ERBB4: variants seen among roughly 807,000 people sequenced by gnomAD.
The protein encoded by ERBB4 is receptor tyrosine-protein kinase erbB-4.
ERBB4 carries 42 observed loss-of-function variants against 158.0 expected under a neutral mutation model. The ratio of observed to expected loss-of-function variants is 0.27; its 90% CI spans 0.21 to 0.34. The LOEUF (loss-of-function observed/expected upper bound fraction) is 0.34. ERBB4 is among the 10% of genes least tolerant of loss of function. The probability of loss-of-function intolerance (pLI) is 1.00; values close to 1 mark genes in which losing one functional copy is unlikely to be tolerated. For synonymous variants in ERBB4, 583 were observed against 558.7 expected, an observed-to-expected ratio of 1.04 and a Z score of -0.61; for missense variants, 1,333 against 1,624.1, an observed-to-expected ratio of 0.82 and a Z score of 3.08.
chr2:212,405,079 T>C (rs549398937), intron 1 of ERBB4, among the ~76,000 whole-genome samples: 6 of 152,198 alleles, frequency 3.9e-5, no homozygotes, highest in Middle Eastern at 6.8e-3. Context: ...TGATTCCATG[T>C]CTTTGCAAAG....
At chr2:211,708,555 C>A (rs762090552) in intron 9 of ERBB4, among the ~76,000 whole-genome samples, 2 of 151,446 alleles carry the variant, frequency 1.3e-5, no homozygotes, top group Non-Finnish European at 2.9e-5. Flanking sequence ...CTTTCCACTG[C>A]CTTCTTCTCC....
At chr2:211,572,215 C>T (rs2067749161) in intron 19 of ERBB4, among the ~76,000 whole-genome samples, 1 of 152,134 alleles carries the variant, frequency 6.6e-6, no homozygotes, top group African/African-American at 2.4e-5. Context: ...ATATCAGTGG[C>T]ATTTTTTGAT....
chr2:212,299,374 A>T (rs1449795702), intron 1 of ERBB4, among the ~76,000 whole-genome samples: 2 of 151,750 alleles, frequency 1.3e-5, no homozygotes, highest in Non-Finnish European at 3.0e-5. Context: ...CAATTTTAAG[A>T]AACAATTTAT....
At chr2:212,403,815 T>G (rs1382325868) in intron 1 of ERBB4, among the ~76,000 whole-genome samples, 2 of 152,044 alleles carry the variant, frequency 1.3e-5, no homozygotes, top group Non-Finnish European at 2.9e-5. Flanking sequence ...AATAATGTAT[T>G]ATGCACTTAA....
chr2:211,453,126 T>C (rs1452899639), intron 20 of ERBB4, among the ~76,000 whole-genome samples: 1 of 152,208 alleles, frequency 6.6e-6, no homozygotes, highest in Non-Finnish European at 1.5e-5. Context: ...TTGTTATATG[T>C]GCGTTTCATT....
At chr2:212,524,011 C>A (rs185102016) in intron 1 of ERBB4, among the ~76,000 whole-genome samples, 12 of 152,050 alleles carry the variant, frequency 7.9e-5, no homozygotes, top group Admixed American at 7.9e-4. Context: ...CATTGCTAAT[C>A]CCTCGTATAT....
chr2:212,192,002 TATATA>T (rs372136509), intron 1 of ERBB4, among the ~76,000 whole-genome samples: 3,971 of 84,670 alleles, frequency 0.047, 197 homozygotes, highest in African/African-American at 0.17. Flanking sequence ...ATATATGTTA[TATATA>T]ATATATGTTA....
intron 2 of ERBB4, among the ~76,000 whole-genome samples, chr2:211,966,952 T>C (rs968409895): frequency 2.0e-5 from 3 of 152,166 alleles, no homozygotes; most frequent in Admixed American, 6.5e-5. Context: ...TTTTTTATAA[T>C]GGCAATGTCC....
At chr2:212,450,836 A>C (rs1270749265) in intron 1 of ERBB4, among the ~76,000 whole-genome samples, 5 of 151,672 alleles carry the variant, frequency 3.3e-5, no homozygotes, top group Admixed American at 6.6e-5. Flanking sequence ...AAAAAAAAAA[A>C]AAAACAAGGC....
In ERBB4 at chr2:211,788,176, A is replaced by G; in HGVS notation, c.422-17T>C. On this transcript the variant is annotated splice_polypyrimidine_tract_variant and intron_variant, in intron 3 of 27. Coordinates refer to ENST00000342788, the MANE Select transcript of ERBB4 (RefSeq NM_005235.3). Reference sequence around the variant, plus strand: ...TTAGGATTTCTGTATTAAAAAACAAATAAACAAATTTTTTGTCAAACTGCT... The same window carrying G: ...TTAGGATTTCTGTATTAAAAAACAAGTAAACAAATTTTTTGTCAAACTGCT... 5 of 1,605,722 alleles carry G rather than the reference A, an allele frequency of 3.1e-6. No homozygotes were observed. Among genetic ancestry groups the G allele is most frequent in the Non-Finnish European group, 4.3e-6 (5 of 1,173,362 alleles).
At chr2:212,045,439 T>A (rs1054225190) in intron 2 of ERBB4, among the ~76,000 whole-genome samples, 1 of 152,030 alleles carries the variant, frequency 6.6e-6, no homozygotes, top group South Asian at 2.1e-4. Context: ...GCCTGGGCAA[T>A]AGAGGAGAGA....
At chr2:212,364,330 C>A (rs2089801221) in intron 1 of ERBB4, among the ~76,000 whole-genome samples, 1 of 151,488 alleles carries the variant, frequency 6.6e-6, no homozygotes, top group Non-Finnish European at 1.5e-5. Flanking sequence ...GAATTTTTTT[C>A]TTTCAAAAAA....
chr2:211,937,803 C>A (rs575735171), intron 3 of ERBB4, among the ~76,000 whole-genome samples: 2 of 152,072 alleles, frequency 1.3e-5, no homozygotes, highest in South Asian at 4.1e-4. Context: ...ATGGGGATTA[C>A]GGGAACTACA....
At chr2:211,569,767 G>A (rs886718916) in intron 19 of ERBB4, among the ~76,000 whole-genome samples, 1 of 152,198 alleles carries the variant, frequency 6.6e-6, no homozygotes, top group Non-Finnish European at 1.5e-5. Context: ...CATGAGATGG[G>A]ATTGAAAAGG....
At position 211,710,017 on chromosome 2, in the gene ERBB4, A is replaced by T. The variant is rs181661246; in HGVS notation, c.1124+2033T>A. 5.9e-3 allele frequency among the ~76,000 whole-genome samples: 897 copies of T among 152,218 alleles called. 11 individuals carry two copies. The highest frequency in any genetic ancestry group is 0.021 in the African/African-American group (871 of 41,534). On this transcript the variant is annotated intron_variant, in intron 9 of 27. Transcript: ENST00000342788. ...ATTGGAAACTTGGCATTCCCCTAAC[A>T]ATATTTTATTGTACCTTACTTTTTC...
rs1202007785 is a variant in ERBB4 at position 212,384,900 on chromosome 2, T to TAC, written c.82+153548_82+153549insGT. On this transcript the variant is annotated intron_variant, in intron 1 of 27. Transcript: ENST00000342788. Reference sequence around the variant, plus strand: ...ATTCCATGTTTGTGGAATATATATATATATATATATATATATATATACACA... The same window carrying TAC: ...ATTCCATGTTTGTGGAATATATATATACATATATATATATATATATATACACA... Among the ~76,000 whole-genome samples, 4 of 137,314 alleles carry TAC rather than the reference T, an allele frequency of 2.9e-5. No homozygotes were observed. The East Asian group carries it at 8.0e-4, about 28-fold the overall frequency. The allele number at this position is 137,314 out of a possible 152,430, so 90.1% of individuals were successfully genotyped here.
intron 3 of ERBB4, among the ~76,000 whole-genome samples, chr2:211,870,106 T>C (rs1280135168): frequency 6.6e-6 from 1 of 152,182 alleles, no homozygotes; most frequent in Non-Finnish European, 1.5e-5. Context: ...TTTTTATAGT[T>C]GCCCATACAA....
At chr2:212,107,369 G>C (rs1333592996) in intron 2 of ERBB4, among the ~76,000 whole-genome samples, 1 of 152,132 alleles carries the variant, frequency 6.6e-6, no homozygotes, top group Non-Finnish European at 1.5e-5. Context: ...ACTTGCATGG[G>C]GGACTTTAGC....
chr2:211,759,729 A>T (rs1023734338), intron 4 of ERBB4, among the ~76,000 whole-genome samples: 2 of 151,338 alleles, frequency 1.3e-5, no homozygotes, highest in Non-Finnish European at 3.0e-5. Flanking sequence ...TCAAATTGGA[A>T]ATGCTGTATA....
Sources: allele counts gnomAD v4.1 joint callset (sites outside exome capture counted in the v4.1 genomes callset), GRCh38; gene constraint gnomAD v4.1.1; transcripts MANE v1.5; gene names NCBI Gene and HGNC (gene_info 2026-07-23, HGNC 2026-07-21).